MKX: variants seen among roughly 807,000 people sequenced by gnomAD.
MKX encodes homeobox protein Mohawk.
Under a neutral mutation model 36.0 loss-of-function variants are expected in MKX, and 13 were observed. The ratio of observed to expected loss-of-function variants is 0.36; its 90% CI spans 0.24 to 0.57. The LOEUF is 0.57. Ranked by LOEUF, MKX falls within the 20% of genes least tolerant of loss-of-function variation. The pLI is 0.79. For synonymous variants in MKX, 176 were observed against 178.3 expected (o/e 0.99, Z 0.10); for missense variants, 458 against 456.4 (o/e 1.00, Z -0.03).
In MKX at chr10:27,673,821, C is replaced by T. The variant is rs116691295; in HGVS notation, c.*1408G>A. The T allele has an allele frequency of 2.4e-3, 360 of 152,450 alleles. 2 individuals are homozygous for T. Among genetic ancestry groups the T allele is most frequent in the African/African-American group, 8.0e-3 (334 of 41,502 alleles). The allele number at this position is 152,450 out of a possible 1,614,324, so 9.4% of individuals were successfully genotyped here. ...CATTTTGCAAAATAAAGAAAAATGT[C>T]ACCACTGGCTGCACTATTGACCCTC... On this transcript the variant is annotated 3_prime_UTR_variant, in exon 7 of 7. Transcript: ENST00000419761.
At chr10:27,718,753 C>T (rs999627374) in intron 5 of MKX, among the ~76,000 whole-genome samples, 5 of 151,976 alleles carry the variant, frequency 3.3e-5, no homozygotes, top group African/African-American at 1.2e-4. Context: ...ATAATTATGG[C>T]TTTTTTTATT....
chr10:27,721,191 T>G (rs1265345026), intron 5 of MKX, among the ~76,000 whole-genome samples: 3 of 152,020 alleles, frequency 2.0e-5, no homozygotes, highest in African/African-American at 7.3e-5. Context: ...CAAGAGTTTT[T>G]AAAATAGAAT....
intron 5 of MKX, among the ~76,000 whole-genome samples, chr10:27,709,730 G>A (rs368958884): frequency 3.2e-4 from 49 of 152,124 alleles, no homozygotes; most frequent in African/African-American, 1.1e-3. Flanking sequence ...TCTTTAATAT[G>A]AGTTATAATA....
intron 5 of MKX, among the ~76,000 whole-genome samples, chr10:27,709,181 T>TAAAC (rs1724778588): frequency 8.0e-4 from 1 of 1,248 alleles, no homozygotes; most frequent in African/African-American, 2.7e-3. Flanking sequence ...AAGAAAAAAG[T>TAAAC]AAATAAATAA....
At position 27,673,640 on chromosome 10, in the gene MKX, AAT is replaced by A. The variant is rs3063015; in HGVS notation, c.*1587_*1588del. On this transcript the variant is annotated 3_prime_UTR_variant, in exon 7 of 7. Transcript: ENST00000419761. ...ACAGCAATTTAGAAAACAAAGTAAA[AAT>A]ATATATATATACACAAAATATTTTT... The A allele has an allele frequency of 0.12, 18,083 of 152,112 alleles. 2,282 individuals carry two copies. Among genetic ancestry groups the A allele is most frequent in the East Asian group, 0.68 (3,520 of 5,144 alleles). The allele number at this position is 152,112 out of a possible 1,614,324, so 9.4% of individuals were successfully genotyped here.
chr10:27,738,466 T>C (rs990335237), intron 3 of MKX, among the ~76,000 whole-genome samples: 1 of 152,068 alleles, frequency 6.6e-6, no homozygotes, highest in African/African-American at 2.4e-5. Context: ...GAAACAGGTC[T>C]CCTTAACCAA....
chr10:27,743,556 G>T, intron 1 of MKX, 59 bp from the exon 2 acceptor site: 1 of 941,838 alleles, frequency 1.1e-6, no homozygotes, highest in African/African-American at 1.8e-5. Context: ...ACCCCTGCAG[G>T]TTCAGGGCCT....
At chr10:27,682,985 A>G (rs890458995) in intron 5 of MKX, among the ~76,000 whole-genome samples, 2 of 145,496 alleles carry the variant, frequency 1.4e-5, no homozygotes, top group African/African-American at 5.0e-5. Context: ...CTCGGTCTCG[A>G]AAAAAAAAAA....
intron 5 of MKX, among the ~76,000 whole-genome samples, chr10:27,677,393 T>C (rs1365519209): frequency 6.6e-6 from 1 of 152,194 alleles, no homozygotes; most frequent in Non-Finnish European, 1.5e-5. Context: ...TAATTTCCAA[T>C]TCTGAGCTCT....
Position 27,673,795 on chromosome 10 carries a change from G to A in MKX, c.*1434C>T, listed in dbSNP as rs898236779. 6.6e-6 allele frequency: 1 copy of A among 152,062 alleles called. No individual in the cohort carries two copies. Among genetic ancestry groups the A allele is most frequent in the African/African-American group, 2.4e-5 (1 of 41,260 alleles). 9.4% of individuals were successfully genotyped at this position (152,062 alleles called of 1,614,324 possible). On this transcript the variant is annotated 3_prime_UTR_variant, in exon 7 of 7. Transcript: ENST00000419761. ...ACTAGAGCAGCCTTTGGTTTTAAAA[G>A]CATTTTGCAAAATAAAGAAAAATGT... is the stretch of plus-strand genomic sequence containing the variant.
chr10:27,698,768 G>T (rs1836600679), intron 5 of MKX, among the ~76,000 whole-genome samples: 1 of 152,066 alleles, frequency 6.6e-6, no homozygotes, highest in Non-Finnish European at 1.5e-5. Context: ...AAATTACTTA[G>T]CAACATATTT....
intron 5 of MKX, among the ~76,000 whole-genome samples, chr10:27,691,804 A>G (rs937915218): frequency 2.0e-5 from 3 of 152,104 alleles, no homozygotes; most frequent in African/African-American, 7.2e-5. Context: ...AACATGTGGT[A>G]TTTGATTTTT....
At chr10:27,729,180 GT>G (rs1834561989) in intron 5 of MKX, among the ~76,000 whole-genome samples, 1 of 152,036 alleles carries the variant, frequency 6.6e-6, no homozygotes, top group Admixed American at 6.6e-5. Flanking sequence ...ATTTTAGAGA[GT>G]GTAACAAAAT....
intron 5 of MKX, among the ~76,000 whole-genome samples, chr10:27,693,686 C>A (rs893629367): frequency 6.6e-6 from 1 of 152,092 alleles, no homozygotes; most frequent in Admixed American, 6.5e-5. Flanking sequence ...AAAAAGAAAA[C>A]ATATTTGTTT....
chr10:27,743,329 G>A lies in MKX; in HGVS notation c.87C>T (p.Pro29=), dbSNP rs1167162953. ...GAGGACTGTCCAGGACACCGCTGTA[G>A]GGCCGGCCACCCCGCTCCCGCTCCG... is the stretch of plus-strand genomic sequence containing the variant. ...GASERERGGR[P]YSGVLDSPHA... is the part of the protein sequence containing the mutation. The change falls in exon 2 of 7, where the codon CCC becomes CCT. Residue 29 remains proline (P), a synonymous_variant. Transcript: ENST00000419761. 4 of 1,585,384 alleles carry A rather than the reference G, an allele frequency of 2.5e-6. No homozygotes were observed. Among genetic ancestry groups the A allele is most frequent in the Non-Finnish European group, 3.4e-6 (4 of 1,168,636 alleles).
At chr10:27,731,266 G>C (rs976602575) in intron 5 of MKX, among the ~76,000 whole-genome samples, 2 of 152,004 alleles carry the variant, frequency 1.3e-5, no homozygotes, top group African/African-American at 4.8e-5. Context: ...ACTGGGGGAG[G>C]GGGTGTTAAT....
chr10:27,727,893 T>G (rs552884467), intron 5 of MKX, among the ~76,000 whole-genome samples: 1 of 152,308 alleles, frequency 6.6e-6, no homozygotes, highest in African/African-American at 2.4e-5. Context: ...TAGTGTAAGT[T>G]TAGAAGAGAA....
chr10:27,694,830 T>C (rs1204308042), intron 5 of MKX, among the ~76,000 whole-genome samples: 2 of 151,466 alleles, frequency 1.3e-5, no homozygotes, highest in East Asian at 3.9e-4. Flanking sequence ...AGCCTGGCAC[T>C]CGTACACAAG....
Position 27,734,572 on chromosome 10 carries a change from A to G in MKX, c.722T>C (p.Met241Thr), listed in dbSNP as rs765063362. 1.4e-5 allele frequency: 22 copies of G among 1,614,046 alleles called. No homozygotes were observed. Among genetic ancestry groups the G allele is most frequent in the Non-Finnish European group, 1.8e-5 (21 of 1,180,034 alleles). The change falls in exon 5 of 7, where the codon ATG (methionine) becomes ACG (threonine). Residue 241 changes from methionine (M) to threonine (T), a missense_variant. Coordinates refer to ENST00000419761, the MANE Select transcript of MKX (RefSeq NM_173576.3). ...GTTTCTTTGCCTTGTTTTTCCCATC[A>G]TGGTAGTGTTCGTGGCCATGACATG... ...LRHVMATNTT[M>T]MGKTRQRNHS...
Sources: allele counts gnomAD v4.1 joint callset (sites outside exome capture counted in the v4.1 genomes callset), GRCh38; gene constraint gnomAD v4.1.1; transcripts MANE v1.5; gene names NCBI Gene and HGNC (gene_info 2026-07-23, HGNC 2026-07-21).